Variants in ADAMTSL1 observed in about 807,000 individuals in gnomAD.
ADAMTSL1 encodes the protein ADAMTS like 1.
ADAMTSL1 carries 126 observed loss-of-function variants against 201.8 expected under a neutral mutation model. That is an observed-to-expected ratio of 0.62 (90% CI 0.54 to 0.72). The LOEUF (loss-of-function observed/expected upper bound fraction) is 0.72. Among genes scored for constraint, ADAMTSL1 ranks in the 30% least tolerant of loss-of-function variants. The probability of loss-of-function intolerance (pLI) is 0.00; values close to 1 mark genes in which losing one functional copy is unlikely to be tolerated. For missense variants in ADAMTSL1, 2,679 were observed against 2,277.8 expected, an observed-to-expected ratio of 1.18 and a Z score of -3.59; for synonymous variants, 1,121 against 903.4, an observed-to-expected ratio of 1.24 and a Z score of -4.32.
intron 1 of ADAMTSL1, among the ~76,000 whole-genome samples, chr9:18,151,204 C>T (rs536765901): frequency 6.6e-6 from 1 of 152,152 alleles, no homozygotes; most frequent in South Asian, 2.1e-4. Flanking sequence ...TGCCTAAAAA[C>T]TAGACAGTCC....
intron 1 of ADAMTSL1, among the ~76,000 whole-genome samples, chr9:17,949,689 T>C (rs138041785): frequency 0.011 from 1,677 of 152,238 alleles, 35 homozygotes; most frequent in African/African-American, 0.038. Context: ...CCCTTTCTTA[T>C]CTTTCTTCTC....
At chr9:18,111,779 C>T (rs1825024514) in intron 1 of ADAMTSL1, among the ~76,000 whole-genome samples, 1 of 152,104 alleles carries the variant, frequency 6.6e-6, no homozygotes, top group Non-Finnish European at 1.5e-5. Context: ...AGCTATGAGT[C>T]AAGTGTTGAG....
intron 1 of ADAMTSL1, among the ~76,000 whole-genome samples, chr9:17,976,932 T>C: frequency 6.6e-6 from 1 of 152,078 alleles, no homozygotes; most frequent in Admixed American, 6.6e-5. Context: ...AGAAAAAGCT[T>C]TTCACTGTTG....
Position 18,718,485 on chromosome 9 carries a change from C to G in ADAMTSL1, c.1877-3051C>G, listed in dbSNP as rs576453717. 1.3e-4 allele frequency: 73 copies of G among 574,494 alleles called. 1 individual carries two copies. The highest frequency in any genetic ancestry group is 9.5e-4 in the African/African-American group (51 of 53,476). 35.6% of individuals were successfully genotyped at this position (574,494 alleles called of 1,614,324 possible). On this transcript the variant is annotated intron_variant, in intron 14 of 28. Transcript: ENST00000380548. ...AATTGTACATTCAAAGCAGACTTTC[C>G]AACGCCTCCTGGGCCAAGAATGACT...
chr9:17,959,804 C>T (rs541036876), intron 1 of ADAMTSL1, among the ~76,000 whole-genome samples: 1 of 152,192 alleles, frequency 6.6e-6, no homozygotes, highest in African/African-American at 2.4e-5. Flanking sequence ...TACCCTGACC[C>T]CTGCATTGTG....
intron 2 of ADAMTSL1, among the ~76,000 whole-genome samples, chr9:18,506,195 A>C (rs1319082725): frequency 6.6e-6 from 1 of 152,222 alleles, no homozygotes; most frequent in East Asian, 1.9e-4. Context: ...TTGAGCTGAT[A>C]AGAAAGACTA....
At chr9:17,924,358 G>A (rs1299203935) in intron 1 of ADAMTSL1, among the ~76,000 whole-genome samples, 1 of 152,140 alleles carries the variant, frequency 6.6e-6, no homozygotes, top group Non-Finnish European at 1.5e-5. Context: ...TCTTGGGAGA[G>A]TGTATGTGTC....
intron 1 of ADAMTSL1, among the ~76,000 whole-genome samples, chr9:18,120,933 C>T (rs980819581): frequency 2.6e-5 from 4 of 152,056 alleles, no homozygotes; most frequent in Admixed American, 2.6e-4. Context: ...CCACCCTAAC[C>T]CCTTCCTATA....
intron 26 of ADAMTSL1, among the ~76,000 whole-genome samples, chr9:18,899,432 A>T (rs1050065125): frequency 1.3e-5 from 2 of 152,230 alleles, no homozygotes; most frequent in South Asian, 2.1e-4. Flanking sequence ...TTCATCACAG[A>T]ATTAGAAAAA....
chr9:18,810,006 T>C (rs1377456263), intron 20 of ADAMTSL1, among the ~76,000 whole-genome samples: 1 of 152,150 alleles, frequency 6.6e-6, no homozygotes, highest in Non-Finnish European at 1.5e-5. Flanking sequence ...CATTAGATCA[T>C]AGCAACAGAG....
intron 1 of ADAMTSL1, among the ~76,000 whole-genome samples, chr9:18,013,014 T>C (rs1820117789): frequency 2.0e-5 from 3 of 151,918 alleles, no homozygotes; most frequent in Non-Finnish European, 2.9e-5. Context: ...CTTTAGCACA[T>C]ATTACTTTTT....
At chr9:18,269,310 G>T (rs550137298) in intron 2 of ADAMTSL1, among the ~76,000 whole-genome samples, 75 of 152,238 alleles carry the variant, frequency 4.9e-4, no homozygotes, top group Admixed American at 9.2e-4. Context: ...TTAGCATAGG[G>T]TCTCTGCATC....
chr9:18,547,137 A>G (rs1195761453), intron 3 of ADAMTSL1, among the ~76,000 whole-genome samples: 1 of 152,150 alleles, frequency 6.6e-6, no homozygotes, highest in Non-Finnish European at 1.5e-5. Flanking sequence ...TCTAGGAGCA[A>G]ATGAAAATAA....
chr9:18,733,272 TC>T (rs1346098913), intron 15 of ADAMTSL1, among the ~76,000 whole-genome samples: 2 of 152,140 alleles, frequency 1.3e-5, no homozygotes, highest in Non-Finnish European at 2.9e-5. Context: ...CAGATAACCT[TC>T]ATCTTATACT....
At chr9:18,408,271 C>G (rs921914005) in intron 2 of ADAMTSL1, among the ~76,000 whole-genome samples, 3 of 152,136 alleles carry the variant, frequency 2.0e-5, no homozygotes, top group African/African-American at 7.2e-5. Context: ...AAGTTTGAGA[C>G]CAACCTGGCC....
At position 18,365,997 on chromosome 9, in the gene ADAMTSL1, T is replaced by G. The variant is rs997059573; in HGVS notation, c.208-138832T>G. ...ATTCCCAAACCTCTCGCCTGCCCTGTCCATGGAAAAATTGTCTTTCACGAA... is the reference window on the plus strand; with the variant it reads ...ATTCCCAAACCTCTCGCCTGCCCTGGCCATGGAAAAATTGTCTTTCACGAA... On this transcript the variant is annotated intron_variant, in intron 2 of 29. Coordinates refer to the ADAMTSL1 transcript ENST00000680146. Among the ~76,000 whole-genome samples, 5 of 152,166 alleles carry G rather than the reference T, an allele frequency of 3.3e-5. No homozygotes were observed. The East Asian group carries it at 9.6e-4, about 29-fold the overall frequency.
chr9:18,445,971 T>G (rs1304951647), intron 2 of ADAMTSL1, among the ~76,000 whole-genome samples: 2 of 152,122 alleles, frequency 1.3e-5, no homozygotes, highest in African/African-American at 4.8e-5. Flanking sequence ...ATCCCCCTAT[T>G]TTATAGAATA....
chr9:18,284,542 A>G lies in ADAMTSL1; in HGVS notation c.207+120561A>G, dbSNP rs139665082. Among the ~76,000 whole-genome samples the G allele has an allele frequency of 8.9e-4, 135 of 152,346 alleles. 1 individual carries two copies. Among genetic ancestry groups the G allele is most frequent in the African/African-American group, 3.2e-3 (131 of 41,584 alleles). On this transcript the variant is annotated intron_variant, in intron 2 of 29. Coordinates refer to the ADAMTSL1 transcript ENST00000680146. ...TATTTCTTATGATAAATGAGGAAAC[A>G]GGTGTAAATAACAGAGTTAGAAAGT...
Position 18,310,337 on chromosome 9 carries a change from G to A in ADAMTSL1, c.207+146356G>A, listed in dbSNP as rs551554345. Among the ~76,000 whole-genome samples, 32 of 88,570 alleles carry A rather than the reference G, an allele frequency of 3.6e-4. No homozygotes were observed. In the South Asian group the frequency reaches 8.7e-3, roughly 24 times the overall value. 58.1% of individuals were successfully genotyped at this position (88,570 alleles called of 152,430 possible). A position where few individuals can be genotyped will look rare whatever the true frequency, so the allele number is the denominator to read the frequency against. On this transcript the variant is annotated intron_variant, in intron 2 of 29. Coordinates refer to the ADAMTSL1 transcript ENST00000680146. ...CAACAAAAAACAAAATTGACATATCGGATCTAATTAAACTAAAGAGCTTCT... is the reference window on the plus strand; with the variant it reads ...CAACAAAAAACAAAATTGACATATCAGATCTAATTAAACTAAAGAGCTTCT...
Sources: gnomAD v4.1 joint callset for allele counts (sites outside exome capture counted in the v4.1 genomes callset) on GRCh38, gnomAD v4.1.1 for gene constraint, MANE v1.5 for transcripts, NCBI Gene and HGNC (gene_info 2026-07-23, HGNC 2026-07-21) for gene names.